The following PLCG2 variants were observed in gnomAD, a reference collection of about 807,000 sequenced individuals.
PLCG2 encodes the protein 1-phosphatidylinositol 4,5-bisphosphate phosphodiesterase gamma-2.
PLCG2 carries 69 observed loss-of-function variants against 175.6 expected under a neutral mutation model. The observed-to-expected ratio is 0.39, with a 90% confidence interval of 0.32 to 0.48. The LOEUF (loss-of-function observed/expected upper bound fraction) is 0.48, where lower values mean the gene tolerates loss of function less well. PLCG2 is among the 20% of genes least tolerant of loss of function. PLCG2 has a pLI of 0.91. For synonymous variants in PLCG2, 827 were observed against 624.0 expected (o/e 1.33, Z -4.85); for missense variants, 1,798 against 1,650.9 (o/e 1.09, Z -1.54).
At chr16:81,949,084 T>C in intron 31 of PLCG2, among the ~76,000 whole-genome samples, 1 of 152,014 alleles carries the variant, frequency 6.6e-6, no homozygotes. Flanking sequence ...AAAGATAATG[T>C]GAAGGAAAAG....
upstream of PLCG2, among the ~76,000 whole-genome samples, chr16:81,777,922 C>G (rs193291199): frequency 3.9e-4 from 58 of 149,438 alleles, no homozygotes; most frequent in African/African-American, 1.0e-3. Context: ...GAGGCTGAGG[C>G]AGGAGAATCG....
chr16:81,851,634 T>C (rs1906417054), intron 2 of PLCG2, among the ~76,000 whole-genome samples: 1 of 152,210 alleles, frequency 6.6e-6, no homozygotes, highest in Non-Finnish European at 1.5e-5. Context: ...TGCCTCATCC[T>C]CCCAAGTAGC....
intron 2 of PLCG2, among the ~76,000 whole-genome samples, chr16:81,825,199 T>A (rs771650385): frequency 5.3e-5 from 8 of 152,202 alleles, no homozygotes; most frequent in Admixed American, 1.3e-4. Context: ...GGGGCCATCC[T>A]GGCCTCAGTG....
At chr16:81,795,609 G>A (rs920791324) in intron 2 of PLCG2, among the ~76,000 whole-genome samples, 2 of 152,194 alleles carry the variant, frequency 1.3e-5, no homozygotes, top group Non-Finnish European at 2.9e-5. Context: ...ACCACTGCAT[G>A]GAGGAAGAGG....
intron 12 of PLCG2, 131 bp from the exon 13 acceptor site, chr16:81,895,676 G>A (rs1908851292): frequency 1.3e-5 from 12 of 954,124 alleles, no homozygotes; most frequent in Admixed American, 1.0e-4. Context: ...CCATGTCCTC[G>A]TGTTGGCAGC....
At chr16:81,805,796 T>TGCTGTTATTG (rs1911993764) in intron 2 of PLCG2, among the ~76,000 whole-genome samples, 1 of 140,836 alleles carries the variant, frequency 7.1e-6, no homozygotes, top group Non-Finnish European at 1.6e-5. Context: ...TTTTTTTTTT[T>TGCTGTTATTG]TTGCTGTTAT....
chr16:81,902,213 G>C (rs1363720391), intron 14 of PLCG2, among the ~76,000 whole-genome samples: 1 of 152,226 alleles, frequency 6.6e-6, no homozygotes, highest in African/African-American at 2.4e-5. Flanking sequence ...GAAGGAGCGA[G>C]TGTGAATTTT....
upstream of PLCG2, among the ~76,000 whole-genome samples, chr16:81,778,053 A>AAT (rs1555505477): frequency 1.9e-5 from 1 of 52,018 alleles, no homozygotes; most frequent in African/African-American, 1.2e-4. Flanking sequence ...CAAAAAAAAA[A>AAT]ACAAAAAAAA....
intron 2 of PLCG2, among the ~76,000 whole-genome samples, chr16:81,814,822 C>T (rs997524756): frequency 6.6e-6 from 1 of 152,170 alleles, no homozygotes; most frequent in Non-Finnish European, 1.5e-5. Flanking sequence ...CTCTCTGAAC[C>T]TTAGTTTCTT....
chr16:81,761,891 G>T (rs1363186603), intron 2 of PLCG2, among the ~76,000 whole-genome samples: 2 of 150,348 alleles, frequency 1.3e-5, no homozygotes, highest in African/African-American at 2.5e-5. Flanking sequence ...GAGTGCAGTG[G>T]TGTGATCTCG....
At chr16:81,784,585 C>T (rs763516185) in intron 1 of PLCG2, among the ~76,000 whole-genome samples, 2 of 152,090 alleles carry the variant, frequency 1.3e-5, no homozygotes, top group Admixed American at 1.3e-4. Context: ...CCAGGCACCT[C>T]CAGGGACTTG....
At chr16:81,863,476 G>A (rs529485504) in intron 5 of PLCG2, among the ~76,000 whole-genome samples, 2 of 152,176 alleles carry the variant, frequency 1.3e-5, no homozygotes, top group Non-Finnish European at 2.9e-5. Flanking sequence ...TTGCTTCCAC[G>A]TTTTGGCAAT....
At chr16:81,826,772 C>G (rs1038622944) in intron 2 of PLCG2, among the ~76,000 whole-genome samples, 1 of 152,204 alleles carries the variant, frequency 6.6e-6, no homozygotes, top group Non-Finnish European at 1.5e-5. Context: ...TAGCAAGAAC[C>G]TTCCCAAAGC....
chr16:81,810,909 C>T (rs1185912391), intron 2 of PLCG2, among the ~76,000 whole-genome samples: 1 of 152,106 alleles, frequency 6.6e-6, no homozygotes, highest in African/African-American at 2.4e-5. Flanking sequence ...ATGAAGGTAA[C>T]TTTTGCTTCC....
intron 22 of PLCG2, among the ~76,000 whole-genome samples, chr16:81,926,807 A>C (rs1043260352): frequency 1.3e-5 from 2 of 152,234 alleles, no homozygotes; most frequent in Non-Finnish European, 2.9e-5. Flanking sequence ...ACTTCCACGT[A>C]AAGCATGGAA....
chr16:81,881,376 AG>A (rs1908072343), intron 8 of PLCG2, among the ~76,000 whole-genome samples: 1 of 152,210 alleles, frequency 6.6e-6, no homozygotes, highest in Non-Finnish European at 1.5e-5. Flanking sequence ...GGCACCCATG[AG>A]GGGCTGATAG....
At chr16:81,847,347 G>A (rs561459837) in intron 2 of PLCG2, among the ~76,000 whole-genome samples, 2 of 152,264 alleles carry the variant, frequency 1.3e-5, no homozygotes. Context: ...TTTTATGAGA[G>A]CCTAATTACA....
At chr16:81,939,264 C>A (rs1464178420) in intron 29 of PLCG2, among the ~76,000 whole-genome samples, 1 of 152,156 alleles carries the variant, frequency 6.6e-6, no homozygotes, top group Admixed American at 6.5e-5. Flanking sequence ...ACCTACGTGG[C>A]TGACCTGACC....
intron 31 of PLCG2, among the ~76,000 whole-genome samples, chr16:81,954,504 C>A (rs971057338): frequency 6.6e-6 from 1 of 152,142 alleles, no homozygotes; most frequent in South Asian, 2.1e-4. Context: ...ATTCCCCATC[C>A]GCCAACTAGC....
Sources: allele counts gnomAD v4.1 joint callset (sites outside exome capture counted in the v4.1 genomes callset), GRCh38; gene constraint gnomAD v4.1.1; transcripts MANE v1.5; gene names NCBI Gene and HGNC (gene_info 2026-07-23, HGNC 2026-07-21).